Variants in HMG20A observed in about 807,000 individuals in gnomAD.
The protein encoded by HMG20A is high mobility group protein 20A.
HMG20A carries 17 observed loss-of-function variants against 43.9 expected under a neutral mutation model. That is an observed-to-expected ratio of 0.39 (90% CI 0.27 to 0.58). The LOEUF is 0.58. Among genes scored for constraint, HMG20A ranks in the 20% least tolerant of loss-of-function variants. The probability of loss-of-function intolerance (pLI) is 0.59; values close to 1 mark genes in which losing one functional copy is unlikely to be tolerated. For missense variants in HMG20A, 341 were observed against 438.2 expected (o/e 0.78, Z 1.98); for synonymous variants, 132 against 147.5 (o/e 0.89, Z 0.76).
chr15:77,479,076 T>C (rs2142361835), intron 8 of HMG20A, 103 bp from the exon 9 acceptor site: 5 of 1,062,650 alleles, frequency 4.7e-6, no homozygotes, highest in East Asian at 4.7e-5. Context: ...TAAAAGCATG[T>C]CTGTGGAGCA....
At chr15:77,421,475 C>T (rs1446673483) in intron 1 of HMG20A, among the ~76,000 whole-genome samples, 3 of 152,348 alleles carry the variant, frequency 2.0e-5, no homozygotes, top group East Asian at 3.9e-4. Flanking sequence ...TCTCTATGCA[C>T]CTTTGCAAGA....
intron 2 of HMG20A, among the ~76,000 whole-genome samples, chr15:77,460,297 G>T (rs2072693634): frequency 6.6e-6 from 1 of 152,128 alleles, no homozygotes; most frequent in Non-Finnish European, 1.5e-5. Context: ...AACAGAATTT[G>T]CCTGAAAGAA....
chr15:77,429,278 C>T (rs908967125), intron 1 of HMG20A, among the ~76,000 whole-genome samples: 1 of 151,780 alleles, frequency 6.6e-6, no homozygotes, highest in Non-Finnish European at 1.5e-5. Context: ...AGTGCAGTGG[C>T]GCTAGTGAGC....
chr15:77,464,708 G>C (rs2072738735), intron 3 of HMG20A: 1 of 208,892 alleles, frequency 4.8e-6, no homozygotes, highest in South Asian at 8.5e-5. Flanking sequence ...CCTTGCTCAA[G>C]GCTCTGCTCA....
At chr15:77,440,600 T>C (rs1181470058) in intron 1 of HMG20A, among the ~76,000 whole-genome samples, 1 of 152,210 alleles carries the variant, frequency 6.6e-6, no homozygotes, top group Admixed American at 6.5e-5. Flanking sequence ...ATGCTATTTG[T>C]GGTCACTTAG....
At chr15:77,503,416 T>C in the HMG20A span, among the ~76,000 whole-genome samples, 2 of 152,180 alleles carry the variant, frequency 1.3e-5, no homozygotes, top group African/African-American at 4.8e-5. Flanking sequence ...CTCCAAAACC[T>C]GAGGATCCTG....
chr15:77,459,776 CAT>C (rs938625405), intron 2 of HMG20A, among the ~76,000 whole-genome samples: 16 of 152,108 alleles, frequency 1.1e-4, no homozygotes, highest in Admixed American at 6.6e-4. Flanking sequence ...CCTTCTCAAA[CAT>C]ATGAATTGCC....
In HMG20A at chr15:77,464,793, G is replaced by T. The variant is rs80131604; in HGVS notation, c.237+406G>T. 4.2e-3 allele frequency: 658 copies of T among 157,100 alleles called. 1 individual carries two copies. Among genetic ancestry groups the T allele is most frequent in the African/African-American group, 0.013 (559 of 41,620 alleles). 9.7% of individuals were successfully genotyped at this position (157,100 alleles called of 1,614,324 possible). The stretch of plus-strand genomic sequence containing the variant: ...TACCAAATCTTTCACCCTCCCATAG[G>T]GGGTAACTTTCCTTAACTCACACAA... On this transcript the variant is annotated intron_variant, in intron 3 of 9. Transcript: ENST00000336216.
intron 1 of HMG20A, among the ~76,000 whole-genome samples, chr15:77,424,943 C>T (rs1037056741): frequency 1.3e-5 from 2 of 152,090 alleles, no homozygotes; most frequent in Non-Finnish European, 2.9e-5. Context: ...CACATCCAAA[C>T]GGGATCGCCT....
chr15:77,439,009 A>G (rs1337695601), intron 1 of HMG20A, among the ~76,000 whole-genome samples: 2 of 151,588 alleles, frequency 1.3e-5, no homozygotes, highest in African/African-American at 4.9e-5. Context: ...TAGCCAGGAT[A>G]GTCTCGATCT....
At chr15:77,463,900 G>A (rs1204344695) in intron 2 of HMG20A, among the ~76,000 whole-genome samples, 1 of 152,090 alleles carries the variant, frequency 6.6e-6, no homozygotes, top group Non-Finnish European at 1.5e-5. Context: ...CCTTTACATT[G>A]GAGATACATG....
intron 4 of HMG20A, among the ~76,000 whole-genome samples, chr15:77,468,386 TG>T (rs1454113755): frequency 1.3e-5 from 2 of 152,232 alleles, no homozygotes; most frequent in African/African-American, 2.4e-5. Context: ...TGTTTGTTTT[TG>T]TTTTTTTAAC....
chr15:77,478,487 G>T lies in HMG20A; in HGVS notation c.884G>T (p.Ser295Ile), dbSNP rs1427506905. The change falls in exon 8 of 10, where the codon AGC (serine) becomes ATC (isoleucine). Residue 295 changes from serine to isoleucine, a missense_variant. By Grantham distance (142) the Ser-to-Ile change is moderately radical. Transcript: ENST00000336216. ...LETLRQVLTS[S>I]FASMPLPGSG... Reference sequence around the variant, plus strand: ...ACCCTGCGGCAGGTGCTGACCAGCAGCTTTGCCAGCATGCCCTTGCCTGGT... The same window carrying T: ...ACCCTGCGGCAGGTGCTGACCAGCATCTTTGCCAGCATGCCCTTGCCTGGT... 1 of 1,610,750 alleles carries T rather than the reference G, an allele frequency of 6.2e-7. No individual in the cohort carries two copies. Among genetic ancestry groups the T allele is most frequent in the Non-Finnish European group, 8.5e-7 (1 of 1,179,970 alleles).
intron 1 of HMG20A, among the ~76,000 whole-genome samples, chr15:77,426,026 C>A (rs8024485): frequency 0.63 from 95,147 of 152,004 alleles, 30,432 homozygotes; most frequent in Non-Finnish European, 0.71. Flanking sequence ...AAAAGGCAAC[C>A]TATTATGTGA....
chr15:77,506,994 C>T, the HMG20A span, among the ~76,000 whole-genome samples: 92 of 152,344 alleles, frequency 6.0e-4, 1 homozygote, highest in East Asian at 2.7e-3. Flanking sequence ...CACTTGAATC[C>T]GTAGACTGAG....
intron 1 of HMG20A, among the ~76,000 whole-genome samples, chr15:77,433,268 G>A (rs1403705560): frequency 2.0e-5 from 3 of 150,350 alleles, no homozygotes; most frequent in Non-Finnish European, 4.4e-5. Flanking sequence ...GTTTAGGCTA[G>A]GAGTTCGAGG....
At chr15:77,454,502 A>G (rs960517342) in intron 1 of HMG20A, among the ~76,000 whole-genome samples, 2 of 152,182 alleles carry the variant, frequency 1.3e-5, no homozygotes, top group Admixed American at 6.5e-5. Flanking sequence ...AAAAACTTTG[A>G]CAGAGATAAC....
At chr15:77,506,713 G>A in the HMG20A span, among the ~76,000 whole-genome samples, 38 of 152,352 alleles carry the variant, frequency 2.5e-4, no homozygotes, top group East Asian at 2.3e-3. Context: ...TCACGCCTGC[G>A]GAATGGGTGT....
the HMG20A span, among the ~76,000 whole-genome samples, chr15:77,504,149 G>C: frequency 6.6e-6 from 1 of 152,228 alleles, no homozygotes; most frequent in Non-Finnish European, 1.5e-5. Flanking sequence ...GCCTTCTGGG[G>C]CAGGCATAGA....
Sources: gnomAD v4.1 joint callset for allele counts (sites outside exome capture counted in the v4.1 genomes callset) on GRCh38, gnomAD v4.1.1 for gene constraint, MANE v1.5 for transcripts, NCBI Gene and HGNC (gene_info 2026-07-23, HGNC 2026-07-21) for gene names.